The following MYO10 variants were observed in gnomAD, a reference collection of about 807,000 sequenced individuals.
MYO10 encodes unconventional myosin-X.
Under a neutral mutation model 257.3 loss-of-function variants are expected in MYO10, and 133 were observed. The observed-to-expected ratio is 0.52, with a 90% CI of 0.45 to 0.60. The LOEUF (loss-of-function observed/expected upper bound fraction) is 0.60, where lower values mean the gene tolerates loss of function less well. Among genes scored for constraint, MYO10 ranks in the 20% least tolerant of loss-of-function variants. The pLI, the probability that MYO10 is intolerant of heterozygous loss-of-function variation, is 0.00. For missense variants in MYO10, 2,399 were observed against 2,635.7 expected (o/e 0.91, Z 1.97); for synonymous variants, 1,104 against 1,028.6 (o/e 1.07, Z -1.40).
intron 2 of MYO10, among the ~76,000 whole-genome samples, chr5:16,861,366 G>A (rs1024955885): frequency 6.6e-6 from 1 of 151,942 alleles, no homozygotes; most frequent in Non-Finnish European, 1.5e-5. Flanking sequence ...AGGGGTTCGA[G>A]ACCAGCCTGG....
chr5:16,898,390 T>C (rs970172113), intron 1 of MYO10, among the ~76,000 whole-genome samples: 6 of 150,834 alleles, frequency 4.0e-5, no homozygotes, highest in Admixed American at 6.7e-5. Context: ...CTTTTTTCCA[T>C]ACCCATTCTC....
At chr5:16,738,383 G>A (rs1430792581) in intron 19 of MYO10, 2 of 985,366 alleles carry the variant, frequency 2.0e-6, no homozygotes, top group Non-Finnish European at 2.4e-6. Flanking sequence ...AGGGTAGCAA[G>A]TGCAGCCTTG....
chr5:16,747,646 CG>C (rs1740234126), intron 19 of MYO10, among the ~76,000 whole-genome samples: 1 of 152,104 alleles, frequency 6.6e-6, no homozygotes, highest in Non-Finnish European at 1.5e-5. Context: ...AGGCTGGACG[CG>C]GTGGCTCACA....
In MYO10 at chr5:16,701,137, G is replaced by A. The variant is rs1488858521; in HGVS notation, c.3258C>T (p.Asp1086=). Residue 1086 remains aspartate (D), a synonymous_variant, in exon 25 of 41, where the codon GAC becomes GAT. Transcript: ENST00000513610. The surrounding 1 kb of genome is among the most constrained non-coding windows in gnomAD (Gnocchi z 8.1). The part of the protein sequence containing the change: ...PQNAGDLPSP[D]GDYDYDQDDY... The stretch of plus-strand genomic sequence containing the variant: ...CATCCTGGTCGTAGTCGTAGTCGCC[G>A]TCTGGGGAGGGCAAGTCCCCAGCGT... 1.6e-5 allele frequency: 26 copies of A among 1,599,526 alleles called. No homozygotes were observed. The highest frequency in any genetic ancestry group is 6.8e-5 in the East Asian group (3 of 44,244).
intron 2 of MYO10, among the ~76,000 whole-genome samples, chr5:16,835,821 A>G (rs1743297220): frequency 6.6e-6 from 1 of 151,664 alleles, no homozygotes; most frequent in Non-Finnish European, 1.5e-5. Context: ...AAAAAAAAAA[A>G]AGACATTTTT....
rs256930 is a variant in MYO10, at chr5:16,699,403, G to C, written c.3556+47C>G. On this transcript the variant is annotated intron_variant, in intron 26 of 40. Transcript: ENST00000513610. ...CATCCATCAGCCCGGATAAAATAAC[G>C]CCTCGCTCTCCCCCTAACCCAGACT... 1.1e-4 allele frequency: 174 copies of C among 1,590,730 alleles called. 1 individual carries two copies. The African/African-American group carries it at 2.0e-3, about 18-fold the overall frequency.
At chr5:16,709,004 T>C (rs987865242) in intron 21 of MYO10, among the ~76,000 whole-genome samples, 3 of 152,228 alleles carry the variant, frequency 2.0e-5, no homozygotes, top group Admixed American at 6.5e-5. Context: ...CAGCACCTCA[T>C]AGACACTGAT....
intron 1 of MYO10, among the ~76,000 whole-genome samples, chr5:16,899,099 C>T (rs192056821): frequency 0.019 from 2,756 of 145,434 alleles, 98 homozygotes; most frequent in African/African-American, 0.067. Context: ...CATGCCGCTG[C>T]ACTCCAGCCT....
At chr5:16,848,155 C>CTTTTTTTTTTTTTTTTCTTT (rs1554002457) in intron 2 of MYO10, among the ~76,000 whole-genome samples, 3,325 of 112,928 alleles carry the variant, frequency 0.029, 108 homozygotes, top group Non-Finnish European at 0.036. Flanking sequence ...CTACACATTT[C>CTTTTTTTTTTTTTTTTCTTT]TTTTTTTTTT....
chr5:16,848,056 C>T lies in MYO10; in HGVS notation c.120+29553G>A, dbSNP rs558924652. 7.8e-4 allele frequency among the ~76,000 whole-genome samples: 118 copies of T among 151,982 alleles called. 1 individual carries two copies. Among genetic ancestry groups the T allele is most frequent in the African/African-American group, 2.8e-3 (117 of 41,432 alleles). On this transcript the variant is annotated intron_variant, in intron 2 of 40. Coordinates refer to ENST00000513610, the MANE Select transcript of MYO10 (RefSeq NM_012334.3). Reference sequence around the variant, plus strand: ...CACAAAAAAGGAAGCATCACCTAGCCAGCAGTTCCCAAAGTGAATTAAGGT... The same window carrying T: ...CACAAAAAAGGAAGCATCACCTAGCTAGCAGTTCCCAAAGTGAATTAAGGT...
At chr5:16,842,172 C>T (rs1239230508) in intron 2 of MYO10, among the ~76,000 whole-genome samples, 1 of 152,140 alleles carries the variant, frequency 6.6e-6, no homozygotes, top group Non-Finnish European at 1.5e-5. Context: ...CCAGACCTAT[C>T]GCAGTTTAGA....
At chr5:16,875,258 T>C (rs530385970) in intron 2 of MYO10, among the ~76,000 whole-genome samples, 34 of 152,194 alleles carry the variant, frequency 2.2e-4, no homozygotes, top group Non-Finnish European at 3.1e-4. Flanking sequence ...TGTTTTCCCT[T>C]TTCACATCAT....
chr5:16,782,330 G>C (rs568611561), intron 5 of MYO10, among the ~76,000 whole-genome samples: 83 of 152,194 alleles, frequency 5.5e-4, no homozygotes, highest in Admixed American at 1.0e-3. Flanking sequence ...AGGCTTTGCA[G>C]ACCACGGGAT....
At chr5:16,851,451 G>A (rs1416435057) in intron 2 of MYO10, among the ~76,000 whole-genome samples, 4 of 152,086 alleles carry the variant, frequency 2.6e-5, no homozygotes, top group South Asian at 2.1e-4. Context: ...TTTAAAACTC[G>A]GAAACTTGGG....
intron 19 of MYO10, among the ~76,000 whole-genome samples, chr5:16,746,876 A>C (rs1218410110): frequency 6.6e-6 from 1 of 152,232 alleles, no homozygotes; most frequent in Non-Finnish European, 1.5e-5. Context: ...TAATGTTTGG[A>C]CAGAGTGAAT....
At chr5:16,891,200 T>C (rs1402514005) in intron 1 of MYO10, among the ~76,000 whole-genome samples, 1 of 151,512 alleles carries the variant, frequency 6.6e-6, no homozygotes, top group Admixed American at 6.6e-5. Flanking sequence ...GGCAGGAGAA[T>C]TGCTTGAACT....
intron 5 of MYO10, 113 bp from the exon 6 acceptor site, chr5:16,781,942 A>C: frequency 6.2e-6 from 8 of 1,283,232 alleles, no homozygotes; most frequent in Non-Finnish European, 6.5e-6. Context: ...CTGAAACCAA[A>C]AGGACTGAGG....
chr5:16,743,020 T>C (rs1337450863), intron 19 of MYO10, among the ~76,000 whole-genome samples: 1 of 152,096 alleles, frequency 6.6e-6, no homozygotes, highest in Non-Finnish European at 1.5e-5. Context: ...CTTGAGATGC[T>C]GAAGCAGGAG....
intron 2 of MYO10, among the ~76,000 whole-genome samples, chr5:16,820,495 C>G (rs933204310): frequency 2.6e-5 from 4 of 152,170 alleles, no homozygotes; most frequent in South Asian, 2.1e-4. Context: ...TCTCATCTCA[C>G]TCTGCTGACT....
Sources: allele counts gnomAD v4.1 joint callset (sites outside exome capture counted in the v4.1 genomes callset), GRCh38; gene constraint gnomAD v4.1.1; non-coding constraint Gnocchi (gnomAD v3.1); transcripts MANE v1.5; gene names NCBI Gene and HGNC (gene_info 2026-07-23, HGNC 2026-07-21).